NTN1: variants seen among roughly 807,000 people sequenced by gnomAD.
NTN1 encodes netrin-1.
NTN1 carries 11 observed loss-of-function variants against 54.2 expected under a neutral mutation model. The ratio of observed to expected loss-of-function variants is 0.20; its 90% CI spans 0.13 to 0.34. The LOEUF (loss-of-function observed/expected upper bound fraction) is 0.34. Among genes scored for constraint, NTN1 ranks in the 10% least tolerant of loss-of-function variants. The probability of loss-of-function intolerance (pLI) is 1.00; values close to 1 mark genes in which losing one functional copy is unlikely to be tolerated. For missense variants in NTN1, 740 were observed against 893.1 expected (o/e 0.83, Z 2.18); for synonymous variants, 371 against 382.0 (o/e 0.97, Z 0.33).
At chr17:9,023,480 G>A (rs1174236261) in intron 2 of NTN1, 89 bp downstream of exon 2, 28 of 1,300,332 alleles carry the variant, frequency 2.2e-5, no homozygotes, top group Non-Finnish European at 2.6e-5. Context: ...ATAGGAGCGC[G>A]GGTCGAGGGA....
Position 9,022,400 on chromosome 17 carries a change from G to A in NTN1, c.27G>A (p.Leu9=). ...TGATGCGCGCAGTGTGGGAGGCGCT[G>A]GCGGCGCTGGCGGCGGTGGCGTGCC... The part of the protein sequence containing the change: MMRAVWEA[L]AALAAVACLV... Residue 9 remains leucine, a synonymous_variant, in exon 2 of 7, where the codon CTG becomes CTA. Transcript: ENST00000173229. The A allele has an allele frequency of 2.2e-6, 3 of 1,334,752 alleles. No individual in the cohort carries two copies. In the South Asian group the frequency reaches 6.4e-5, roughly 29 times the overall value. 82.7% of individuals were successfully genotyped at this position (1,334,752 alleles called of 1,614,324 possible). A position where few individuals can be genotyped will look rare whatever the true frequency, so the allele number is the denominator to read the frequency against.
At chr17:9,061,942 A>G (rs977254760) in intron 2 of NTN1, among the ~76,000 whole-genome samples, 6 of 152,050 alleles carry the variant, frequency 3.9e-5, no homozygotes, top group African/African-American at 1.5e-4. Flanking sequence ...TGACCTCGTG[A>G]TGCGCCTGCC....
At chr17:9,102,145 T>C (rs1051053683) in intron 2 of NTN1, among the ~76,000 whole-genome samples, 2 of 152,238 alleles carry the variant, frequency 1.3e-5, no homozygotes, top group Non-Finnish European at 2.9e-5. Context: ...AATACTCTGC[T>C]GGCAGGAGTA....
chr17:9,041,634 T>TG (rs1373563326), intron 2 of NTN1, among the ~76,000 whole-genome samples: 9 of 152,228 alleles, frequency 5.9e-5, no homozygotes, highest in African/African-American at 2.2e-4. Context: ...AATGCTGCTA[T>TG]GAGCATTGGT....
chr17:9,202,091 CT>C (rs1567737197), intron 5 of NTN1, among the ~76,000 whole-genome samples: 106 of 93,834 alleles, frequency 1.1e-3, no homozygotes, highest in Middle Eastern at 8.8e-3. Flanking sequence ...AAAAAAAAAA[CT>C]TAGCCAGGTA....
rs1906161061 is a variant in NTN1 at position 9,240,269 on chromosome 17, C to CCCTGGG, written c.*309_*314dup. The CCCTGGG allele has an allele frequency of 6.5e-6, 1 of 153,382 alleles. No homozygotes were observed. The highest frequency in any genetic ancestry group is 1.4e-5 in the Non-Finnish European group (1 of 69,118). The allele number at this position is 153,382 out of a possible 1,614,324, so 9.5% of individuals were successfully genotyped here. A position where few individuals can be genotyped will look rare whatever the true frequency, so the allele number is the denominator to read the frequency against. ...CTCCTTCCAGAGCAGAGACGCGCTT[C>CCCTGGG]CCTGGGCCTGGGCGCGGCCGCCGTG... On this transcript the variant is annotated 3_prime_UTR_variant, in exon 7 of 7. Coordinates refer to ENST00000173229, the MANE Select transcript of NTN1 (RefSeq NM_004822.3).
the NTN1 span, among the ~76,000 whole-genome samples, chr17:9,007,388 TTCTC>T: frequency 4.0e-5 from 6 of 150,454 alleles, no homozygotes; most frequent in Admixed American, 6.6e-5. Context: ...TTCCTTGTCT[TTCTC>T]TCTTTCTCTC....
chr17:9,193,490 C>T (rs2142329948), intron 5 of NTN1, among the ~76,000 whole-genome samples: 1 of 152,330 alleles, frequency 6.6e-6, no homozygotes. Context: ...AAACTGAGAA[C>T]ATCTCAATGT....
chr17:9,237,799 T>C (rs1906040293), intron 6 of NTN1, among the ~76,000 whole-genome samples: 1 of 152,174 alleles, frequency 6.6e-6, no homozygotes, highest in Non-Finnish European at 1.5e-5. Flanking sequence ...GACCTCTGTC[T>C]GCACAGTCAA....
intron 3 of NTN1, among the ~76,000 whole-genome samples, chr17:9,164,462 A>G (rs1216346185): frequency 6.6e-6 from 1 of 152,078 alleles, no homozygotes; most frequent in Non-Finnish European, 1.5e-5. Context: ...GGGGAAAAAA[A>G]AAAGAAAGTA....
intron 2 of NTN1, among the ~76,000 whole-genome samples, chr17:9,149,025 T>G (rs2092320692): frequency 6.6e-6 from 1 of 152,106 alleles, no homozygotes; most frequent in South Asian, 2.1e-4. Flanking sequence ...CTGCAAGTCA[T>G]TAAGCCTCCC....
At chr17:9,040,899 C>T (rs2091919163) in intron 2 of NTN1, among the ~76,000 whole-genome samples, 1 of 151,966 alleles carries the variant, frequency 6.6e-6, no homozygotes, top group African/African-American at 2.4e-5. Flanking sequence ...GCAGCCTCAA[C>T]CTCCTGGGCT....
At chr17:9,123,072 T>C (rs1482140299) in intron 2 of NTN1, among the ~76,000 whole-genome samples, 1 of 152,236 alleles carries the variant, frequency 6.6e-6, no homozygotes, top group Admixed American at 6.5e-5. Flanking sequence ...TGTGCAACTG[T>C]ACATCTTCAA....
At chr17:9,179,760 T>C (rs753511618) in intron 3 of NTN1, 47 bp from the exon 4 acceptor site, 2 of 1,588,602 alleles carry the variant, frequency 1.3e-6, no homozygotes, top group African/African-American at 1.3e-5. Flanking sequence ...GGGGATGCAC[T>C]GGCCGCTTCC....
chr17:9,123,452 A>G (rs2092237095), intron 2 of NTN1, among the ~76,000 whole-genome samples: 1 of 152,236 alleles, frequency 6.6e-6, no homozygotes, highest in South Asian at 2.1e-4. Context: ...TTTAAAATGT[A>G]TGGTGCTTTT....
intron 2 of NTN1, among the ~76,000 whole-genome samples, chr17:9,115,906 G>C (rs2092210560): frequency 6.6e-6 from 1 of 152,248 alleles, no homozygotes; most frequent in Non-Finnish European, 1.5e-5. Context: ...CTCCCTCTAT[G>C]AACAGTCGGA....
intron 2 of NTN1, among the ~76,000 whole-genome samples, chr17:9,089,969 C>G (rs2092104506): frequency 6.6e-6 from 1 of 151,982 alleles, no homozygotes; most frequent in Non-Finnish European, 1.5e-5. Flanking sequence ...CTTCTATGCC[C>G]CAGAAGTCCT....
chr17:9,147,005 C>CA (rs757452675), intron 2 of NTN1, among the ~76,000 whole-genome samples: 1 of 152,168 alleles, frequency 6.6e-6, no homozygotes, highest in Non-Finnish European at 1.5e-5. Flanking sequence ...TTTGAACCCC[C>CA]AAAGGCCTGT....
chr17:9,112,134 C>A (rs1289757187), intron 2 of NTN1, among the ~76,000 whole-genome samples: 1 of 152,256 alleles, frequency 6.6e-6, no homozygotes, highest in Non-Finnish European at 1.5e-5. Flanking sequence ...ATCTGCCCCA[C>A]TGCTATGAAG....
Sources: gnomAD v4.1 joint callset for allele counts (sites outside exome capture counted in the v4.1 genomes callset) on GRCh38, gnomAD v4.1.1 for gene constraint, MANE v1.5 for transcripts, NCBI Gene and HGNC (gene_info 2026-07-23, HGNC 2026-07-21) for gene names.